KCTD1: variants seen among roughly 807,000 people sequenced by gnomAD.
KCTD1 encodes potassium channel tetramerization domain containing 1.
In KCTD1, 24 loss-of-function variants were observed where a neutral mutation model predicts 66.0. The ratio of observed to expected loss-of-function variants is 0.36; its 90% CI spans 0.26 to 0.51. KCTD1 has a LOEUF of 0.51. KCTD1 is among the 20% of genes least tolerant of loss of function. The pLI, the probability that KCTD1 is intolerant of heterozygous loss-of-function variation, is 0.95. For synonymous variants in KCTD1, 511 were observed against 517.2 expected (o/e 0.99, Z 0.16); for missense variants, 943 against 1,205.2 (o/e 0.78, Z 3.22).
At chr18:26,649,392 TTCTC>T (rs1268259897) in intron 1 of KCTD1, among the ~76,000 whole-genome samples, 1 of 152,166 alleles carries the variant, frequency 6.6e-6, no homozygotes, top group African/African-American at 2.4e-5. Context: ...TCTGCTTTCT[TTCTC>T]CTCCCTGCCC....
At chr18:26,590,851 C>T (rs1986584565) in intron 1 of KCTD1, among the ~76,000 whole-genome samples, 1 of 152,064 alleles carries the variant, frequency 6.6e-6, no homozygotes, top group African/African-American at 2.4e-5. Flanking sequence ...GTATCTCTTA[C>T]AGGGACTAAT....
At chr18:26,480,477 A>G (rs1981582981) in intron 2 of KCTD1, among the ~76,000 whole-genome samples, 1 of 152,262 alleles carries the variant, frequency 6.6e-6, no homozygotes, top group Admixed American at 6.5e-5. Flanking sequence ...TTTTAATATT[A>G]GCACTCTGAG....
upstream of KCTD1, among the ~76,000 whole-genome samples, chr18:26,550,571 C>CACACACACAG (rs2144854148): frequency 1.5e-5 from 2 of 129,828 alleles, no homozygotes; most frequent in South Asian, 2.6e-4. This position sits in a 1 kb window ranked among gnomAD's most constrained non-coding sequence, Gnocchi z 5.4. Context: ...CACAGACACA[C>CACACACACAG]ACACACACAC....
chr18:26,605,709 C>CAT (rs990935019), intron 1 of KCTD1, among the ~76,000 whole-genome samples: 2 of 135,450 alleles, frequency 1.5e-5, no homozygotes, highest in Admixed American at 1.5e-4. Context: ...CTAAATACAC[C>CAT]ATATATATAT....
intron 3 of KCTD1, among the ~76,000 whole-genome samples, chr18:26,470,926 C>T (rs1981023567): frequency 6.6e-6 from 1 of 152,168 alleles, no homozygotes; most frequent in African/African-American, 2.4e-5. Flanking sequence ...AAGAGAAGTC[C>T]TGTAGGGACA....
At chr18:26,574,032 G>C (rs1456107082) in intron 1 of KCTD1, among the ~76,000 whole-genome samples, 1 of 152,102 alleles carries the variant, frequency 6.6e-6, no homozygotes, top group Non-Finnish European at 1.5e-5. Flanking sequence ...CCACTGACAC[G>C]TGTTGGCCAT....
At chr18:26,502,573 C>T (rs999372275) in intron 1 of KCTD1, among the ~76,000 whole-genome samples, 3 of 152,156 alleles carry the variant, frequency 2.0e-5, no homozygotes, top group Non-Finnish European at 4.4e-5. Flanking sequence ...TATCAAAACA[C>T]GGTTGTTTGC....
At position 26,653,195 on chromosome 18, in the gene KCTD1, T is replaced by G. The variant is rs192053457; in HGVS notation, c.9+4165A>C. Reference sequence around the variant, plus strand: ...CCCTCTCCCAATCCTCCCCATCACTTACTCTTGGGTGAAGACCAGGTGCCT... The same window carrying G: ...CCCTCTCCCAATCCTCCCCATCACTGACTCTTGGGTGAAGACCAGGTGCCT... On this transcript the variant is annotated intron_variant, in intron 1 of 4. Transcript: ENST00000580191. Among the ~76,000 whole-genome samples the G allele has an allele frequency of 3.9e-4, 59 of 152,300 alleles. 1 individual carries two copies. The highest frequency in any genetic ancestry group is 3.3e-3 in the Admixed American group (51 of 15,294).
At chr18:26,563,136 A>G (rs1300599622) in intron 1 of KCTD1, among the ~76,000 whole-genome samples, 2 of 152,146 alleles carry the variant, frequency 1.3e-5, no homozygotes, top group African/African-American at 4.8e-5. Context: ...TTCCAATGGC[A>G]TCACACTAAT....
chr18:26,528,517 G>A (rs781258675), intron 1 of KCTD1, among the ~76,000 whole-genome samples: 35 of 152,028 alleles, frequency 2.3e-4, no homozygotes, highest in Non-Finnish European at 2.2e-4. Context: ...AAAAACGTAC[G>A]GGATCCACCT....
intron 1 of KCTD1, among the ~76,000 whole-genome samples, chr18:26,589,451 A>G (rs1478161222): frequency 6.6e-6 from 1 of 152,146 alleles, no homozygotes; most frequent in Non-Finnish European, 1.5e-5. Context: ...AAGTAACTGG[A>G]GCAAAGGGGC....
chr18:26,600,013 G>T (rs1044771652), intron 1 of KCTD1: 3 of 1,611,502 alleles, frequency 1.9e-6, no homozygotes, highest in Non-Finnish European at 2.5e-6. Context: ...CTCAGCCAAC[G>T]ATATGGAGGA....
upstream of KCTD1, among the ~76,000 whole-genome samples, chr18:26,551,810 A>C (rs191161072): frequency 1.5e-3 from 223 of 152,308 alleles, 4 homozygotes; most frequent in Admixed American, 0.013. Context: ...CTTTCTTCTT[A>C]TTATTTCTGT....
intron 1 of KCTD1, among the ~76,000 whole-genome samples, chr18:26,570,761 A>T (rs1260584426): frequency 2.6e-5 from 4 of 152,200 alleles, no homozygotes; most frequent in Non-Finnish European, 5.9e-5. Flanking sequence ...TCAATTTACC[A>T]TGGGGTTACC....
chr18:26,612,351 A>G (rs1190553934), intron 1 of KCTD1, among the ~76,000 whole-genome samples: 1 of 152,164 alleles, frequency 6.6e-6, no homozygotes, highest in East Asian at 1.9e-4. Context: ...TCCCAAAAAC[A>G]TGTTGAAATC....
chr18:26,623,459 G>C (rs916512288), intron 1 of KCTD1, among the ~76,000 whole-genome samples: 1 of 152,106 alleles, frequency 6.6e-6, no homozygotes, highest in African/African-American at 2.4e-5. Flanking sequence ...CCATGCTGCT[G>C]TTCTCATGAA....
chr18:26,653,027 C>T (rs765145847), intron 1 of KCTD1, among the ~76,000 whole-genome samples: 5 of 152,184 alleles, frequency 3.3e-5, no homozygotes, highest in Non-Finnish European at 7.3e-5. Flanking sequence ...TTTCCCCTAC[C>T]CTAACCCCAG....
At chr18:26,558,000 G>A (rs1985748056) in intron 1 of KCTD1, among the ~76,000 whole-genome samples, 1 of 152,220 alleles carries the variant, frequency 6.6e-6, no homozygotes, top group South Asian at 2.1e-4. Context: ...TCATCTCCCT[G>A]ATATGAGTCC....
At chr18:26,521,701 AG>A (rs1479942894) in intron 1 of KCTD1, among the ~76,000 whole-genome samples, 8 of 152,238 alleles carry the variant, frequency 5.3e-5, no homozygotes, top group African/African-American at 1.9e-4. Context: ...AAAAGCAGAA[AG>A]GTCAGCACAA....
Sources: gnomAD v4.1 joint callset for allele counts (sites outside exome capture counted in the v4.1 genomes callset) on GRCh38, gnomAD v4.1.1 for gene constraint, Gnocchi (gnomAD v3.1) non-coding constraint, MANE v1.5 for transcripts, NCBI Gene and HGNC (gene_info 2026-07-23, HGNC 2026-07-21) for gene names.